AFAP1: variants seen among roughly 807,000 people sequenced by gnomAD.
The protein encoded by AFAP1 is actin filament associated protein 1, also known as actin filament-associated protein 1.
AFAP1 carries 75 observed loss-of-function variants against 93.9 expected under a neutral mutation model. The observed-to-expected ratio is 0.80, with a 90% CI of 0.66 to 0.97. The LOEUF is 0.97. Ranked by LOEUF, AFAP1 falls within the 50% of genes least tolerant of loss-of-function variation. The pLI is 0.00. For synonymous variants in AFAP1, 517 were observed against 430.7 expected, an observed-to-expected ratio of 1.20 and a Z score of -2.48; for missense variants, 1,201 against 1,050.8, an observed-to-expected ratio of 1.14 and a Z score of -1.98.
At chr4:7,849,358 TA>T (rs557380999) in intron 4 of AFAP1, among the ~76,000 whole-genome samples, 100 of 150,584 alleles carry the variant, frequency 6.6e-4, no homozygotes, top group African/African-American at 2.1e-3. Flanking sequence ...GTTTCACAAT[TA>T]AAAAAAAAAC....
chr4:7,793,602 A>C, intron 11 of AFAP1, 79 bp downstream of exon 11: 1 of 1,359,232 alleles, frequency 7.4e-7, no homozygotes, highest in Non-Finnish European at 9.7e-7. Flanking sequence ...ATATCCTCAC[A>C]CAAAAACTAA....
chr4:7,800,887 A>G lies in AFAP1; in HGVS notation c.1055-234T>C, dbSNP rs1718959343. Among the ~76,000 whole-genome samples the G allele has an allele frequency of 2.6e-5, 4 of 152,344 alleles. No homozygotes were observed. In the South Asian group the frequency reaches 8.3e-4, roughly 32 times the overall value. ...CACAGGCCGTATCTGGAAGCCCCTC[A>G]TTTAACATGTGCAACGAACCAGTTA... On this transcript the variant is annotated intron_variant, in intron 9 of 17. Transcript: ENST00000420658.
chr4:7,765,934 C>T (rs540867276), intron 17 of AFAP1, among the ~76,000 whole-genome samples: 24 of 152,324 alleles, frequency 1.6e-4, no homozygotes, highest in African/African-American at 2.4e-4. Context: ...TTCTTCTCTG[C>T]GCCCGCCCAG....
chr4:7,799,933 T>A (rs1341421616), intron 10 of AFAP1, among the ~76,000 whole-genome samples: 1 of 152,152 alleles, frequency 6.6e-6, no homozygotes, highest in Non-Finnish European at 1.5e-5. Context: ...AGTGTCTGTG[T>A]CATGTGGCTC....
At chr4:7,768,721 G>T in intron 17 of AFAP1, 123 bp downstream of exon 17, 2 of 1,243,008 alleles carry the variant, frequency 1.6e-6, no homozygotes, top group Non-Finnish European at 2.1e-6. Context: ...GATGTCTACT[G>T]AAGGCTGAGT....
intron 6 of AFAP1, among the ~76,000 whole-genome samples, chr4:7,820,724 T>C (rs1324478279): frequency 1.3e-5 from 2 of 152,076 alleles, no homozygotes; most frequent in Non-Finnish European, 2.9e-5. Flanking sequence ...TGAAGGATGG[T>C]TCCATTTTAA....
intron 10 of AFAP1, among the ~76,000 whole-genome samples, chr4:7,799,750 T>C (rs1443907796): frequency 1.3e-5 from 2 of 152,208 alleles, no homozygotes; most frequent in African/African-American, 4.8e-5. Flanking sequence ...ATCAACAGAA[T>C]GTTTTCTATG....
chr4:7,910,697 G>C (rs372577801), intron 1 of AFAP1, among the ~76,000 whole-genome samples: 3 of 152,350 alleles, frequency 2.0e-5, no homozygotes, highest in African/African-American at 7.2e-5. Flanking sequence ...GCAGCACCCA[G>C]TCTCCTGTTC....
intron 1 of AFAP1, among the ~76,000 whole-genome samples, chr4:7,935,747 G>C (rs527324775): frequency 1.9e-4 from 29 of 152,320 alleles, no homozygotes; most frequent in African/African-American, 6.0e-4. Flanking sequence ...ATACTTCAGT[G>C]ATAGAGCGAA....
intron 8 of AFAP1, among the ~76,000 whole-genome samples, chr4:7,810,161 C>G (rs1230706499): frequency 6.6e-6 from 1 of 152,234 alleles, no homozygotes; most frequent in Non-Finnish European, 1.5e-5. Flanking sequence ...CCGTGCCCGG[C>G]CTTTCCCTCA....
chr4:7,807,991 C>T (rs1413566574), intron 9 of AFAP1, among the ~76,000 whole-genome samples: 2 of 152,186 alleles, frequency 1.3e-5, no homozygotes, highest in Non-Finnish European at 2.9e-5. Flanking sequence ...CATTTAGGCG[C>T]TGTGGGGCAG....
rs552000429 is a variant in AFAP1 at position 7,772,645 on chromosome 4, C to T, written c.2253+175G>A. On this transcript the variant is annotated intron_variant, in intron 16 of 17. Transcript: ENST00000420658. ...GAGGTGAGAAAGCATGTCAGGAACACAGGCCCGGCCGATGAAAGTGTCTGA... is the reference window on the plus strand; with the variant it reads ...GAGGTGAGAAAGCATGTCAGGAACATAGGCCCGGCCGATGAAAGTGTCTGA... 7 of 608,478 alleles carry T rather than the reference C, an allele frequency of 1.2e-5. No individual in the cohort carries two copies. In the Admixed American group the frequency reaches 2.2e-4, roughly 19 times the overall value. The allele number at this position is 608,478 out of a possible 1,614,324, so 37.7% of individuals were successfully genotyped here.
intron 14 of AFAP1, 80 bp downstream of exon 14, chr4:7,778,682 C>G: frequency 7.2e-7 from 1 of 1,385,770 alleles, no homozygotes. Context: ...CTGGCACTCA[C>G]GGGTGGGCAG....
rs376629316 is a variant in AFAP1 at position 7,924,554 on chromosome 4, G to A, written c.-3+15102C>T. On this transcript the variant is annotated intron_variant, in intron 1 of 17. Coordinates refer to ENST00000420658, the MANE Select transcript of AFAP1 (RefSeq NM_001134647.2). ...CTATTCACTCTGATTAAATGTGAACGTGAAAACTGCTTCCAGGGGACACAG... is the reference window on the plus strand; with the variant it reads ...CTATTCACTCTGATTAAATGTGAACATGAAAACTGCTTCCAGGGGACACAG... Among the ~76,000 whole-genome samples the A allele has an allele frequency of 5.3e-5, 8 of 152,248 alleles. No homozygotes were observed. In the East Asian group the frequency reaches 7.7e-4, roughly 15 times the overall value.
chr4:7,798,934 C>A, intron 10 of AFAP1: 15 of 987,072 alleles, frequency 1.5e-5, no homozygotes, highest in Non-Finnish European at 1.7e-5. Flanking sequence ...CCTTGCAACC[C>A]TTCTCAGATC....
chr4:7,929,900 G>A (rs1285490467), intron 1 of AFAP1, among the ~76,000 whole-genome samples: 1 of 152,136 alleles, frequency 6.6e-6, no homozygotes, highest in Non-Finnish European at 1.5e-5. Flanking sequence ...ATAGCTTCAG[G>A]CCACAACGGT....
At chr4:7,895,667 T>C (rs1718720784) in intron 1 of AFAP1, among the ~76,000 whole-genome samples, 1 of 152,052 alleles carries the variant, frequency 6.6e-6, no homozygotes, top group Admixed American at 6.6e-5. Flanking sequence ...GAAAACTAAC[T>C]CTCAGGACTC....
At chr4:7,793,371 C>T (rs1455596382) in intron 11 of AFAP1, among the ~76,000 whole-genome samples, 1 of 152,166 alleles carries the variant, frequency 6.6e-6, no homozygotes, top group Non-Finnish European at 1.5e-5. Context: ...CACACCCATT[C>T]GTTTATGTAC....
chr4:7,912,164 G>T (rs1290487898), intron 1 of AFAP1, among the ~76,000 whole-genome samples: 1 of 152,228 alleles, frequency 6.6e-6, no homozygotes, highest in Admixed American at 6.5e-5. Flanking sequence ...GTGGTATCCG[G>T]GACCTGGGTG....
Sources: allele counts gnomAD v4.1 joint callset (sites outside exome capture counted in the v4.1 genomes callset), GRCh38; gene constraint gnomAD v4.1.1; transcripts MANE v1.5; gene names NCBI Gene and HGNC (gene_info 2026-07-23, HGNC 2026-07-21).